Variants in GAK observed in about 807,000 individuals in gnomAD.
The protein encoded by GAK is cyclin-G-associated kinase.
In GAK, 79 loss-of-function variants were observed where a neutral mutation model predicts 143.9. The observed-to-expected ratio is 0.55, with a 90% CI of 0.46 to 0.66. The LOEUF (loss-of-function observed/expected upper bound fraction) is 0.66, where lower values mean the gene tolerates loss of function less well. Ranked by LOEUF, GAK falls within the 30% of genes least tolerant of loss-of-function variation. The probability of loss-of-function intolerance (pLI) is 0.00; values close to 1 mark genes in which losing one functional copy is unlikely to be tolerated. For synonymous variants in GAK, 881 were observed against 765.5 expected (o/e 1.15, Z -2.49); for missense variants, 1,693 against 1,779.7 (o/e 0.95, Z 0.88).
rs747580371 is a variant in GAK at position 888,805 on chromosome 4, C to A, written c.1205+42G>T. On this transcript the variant is annotated intron_variant, in intron 11 of 27. Transcript: ENST00000314167. ...CAAGGGCCGGGGCTGCAGCCTGGAA[C>A]GAGCGTGCGGCAGGTCCAGGGCTCT... The A allele has an allele frequency of 2.5e-6, 4 of 1,573,982 alleles. No individual in the cohort carries two copies. The South Asian group carries it at 3.5e-5, about 14-fold the overall frequency.
chr4:911,915 C>A, intron 3 of GAK, 128 bp from the exon 4 acceptor site: 1 of 705,090 alleles, frequency 1.4e-6, no homozygotes, highest in Non-Finnish European at 2.4e-6. Context: ...CAATTTTAGA[C>A]GTCAGAGCGG....
At chr4:890,770 G>C (rs1284093082) in intron 9 of GAK, 148 bp from the exon 10 acceptor site, 3 of 629,454 alleles carry the variant, frequency 4.8e-6, no homozygotes, top group Middle Eastern at 3.2e-4. Flanking sequence ...CTTCCCACAG[G>C]CTGAAGCATC....
At position 877,653 on chromosome 4, in the gene GAK, C is replaced by T. The variant is rs147669221; in HGVS notation, c.1818G>A (p.Glu606=). The stretch of plus-strand genomic sequence containing the variant: ...ACTCCTGGGAGGTGCTGGCCACACG[C>T]TCGTCCCCCACGTAGACCTCGCAGA... ...RPFCEVYVGD[E]RVASTSQEYD... Residue 606 remains glutamate, a synonymous_variant, in exon 16 of 28, where the codon GAG becomes GAA. Coordinates refer to ENST00000314167, the MANE Select transcript of GAK (RefSeq NM_005255.4). 5.8e-5 allele frequency: 94 copies of T among 1,607,354 alleles called. No homozygotes were observed. The African/African-American group carries it at 1.1e-3, about 19-fold the overall frequency.
Position 894,385 on chromosome 4 carries a change from ACTCCTGGGCCTGCGGGGAGTGCAGGGG to A in GAK, c.742-403_742-377del. 1.6e-5 allele frequency: 3 copies of A among 187,508 alleles called. 1 individual carries two copies. The South Asian group carries it at 2.7e-4, about 17-fold the overall frequency. 11.6% of individuals were successfully genotyped at this position (187,508 alleles called of 1,614,324 possible). On this transcript the variant is annotated intron_variant, in intron 7 of 27. Coordinates refer to ENST00000314167, the MANE Select transcript of GAK (RefSeq NM_005255.4). ...CGGAGCCGTGGGGAGCGCAGGGGTG[ACTCCTGGGCCTGCGGGGAGTGCAGGGG>A]TGACTCCCAGGTCTGAGGGGAGAGC...
At chr4:912,195 A>G (rs1340212028) in intron 3 of GAK, 1 of 455,872 alleles carries the variant, frequency 2.2e-6, no homozygotes, top group Non-Finnish European at 4.4e-6. Context: ...AAAGAGAGGC[A>G]GAGTCTGAGG....
At position 893,757 on chromosome 4, in the gene GAK, G is replaced by C. The variant is rs566754262; in HGVS notation, c.877+117C>G. 71 of 1,251,338 alleles carry C rather than the reference G, an allele frequency of 5.7e-5. No individual in the cohort carries two copies. The South Asian group carries it at 1.1e-3, about 20-fold the overall frequency. 77.5% of individuals were successfully genotyped at this position (1,251,338 alleles called of 1,614,324 possible). A position where few individuals can be genotyped will look rare whatever the true frequency, so the allele number is the denominator to read the frequency against. On this transcript the variant is annotated intron_variant, in intron 8 of 27. Coordinates refer to ENST00000314167, the MANE Select transcript of GAK (RefSeq NM_005255.4). ...CCCCAGGGATGTTGTCAAAACTATG[G>C]TGACGGGCGGGAGTGGGGCCAGGTG...
In GAK at chr4:849,882, C is replaced by T. The variant is rs757085904; in HGVS notation, c.3834+10G>A. The T allele has an allele frequency of 1.3e-6, 2 of 1,577,316 alleles. No homozygotes were observed. The highest frequency in any genetic ancestry group is 2.3e-5 in the East Asian group (1 of 43,558). On this transcript the variant is annotated intron_variant, in intron 27 of 27. Transcript: ENST00000314167. ...AAGGCCTCAAGCGGCCGCCTGGCAG[C>T]TCTGCTCACCTTGTCGGGGTGCACA...
At chr4:924,812 G>C (rs1238315001) in intron 1 of GAK, among the ~76,000 whole-genome samples, 2 of 134,246 alleles carry the variant, frequency 1.5e-5, no homozygotes, top group Admixed American at 7.7e-5. Flanking sequence ...GATCTGATTG[G>C]GTCGTGGGGG....
chr4:882,630 G>A lies in GAK; in HGVS notation c.1527+67C>T, dbSNP rs996218251. The A allele has an allele frequency of 1.9e-6, 3 of 1,578,382 alleles. No individual in the cohort carries two copies. In the African/African-American group the frequency reaches 4.0e-5, roughly 21 times the overall value. ...AGCTCATGACTGGCGCTCAGATCCT[G>A]TTGAACTATGCATGAAATAATGAAC... is the stretch of plus-strand genomic sequence containing the variant. On this transcript the variant is annotated intron_variant, in intron 14 of 27. Coordinates refer to ENST00000314167, the MANE Select transcript of GAK (RefSeq NM_005255.4).
At chr4:931,343 C>T (rs1725718417) in intron 1 of GAK, among the ~76,000 whole-genome samples, 2 of 152,140 alleles carry the variant, frequency 1.3e-5, no homozygotes, top group South Asian at 4.1e-4. Flanking sequence ...AGTAGATGTT[C>T]ACCGGGAAGA....
chr4:876,134 C>T lies in GAK; in HGVS notation c.2054+396G>A, dbSNP rs145468989. Among the ~76,000 whole-genome samples, 234 of 152,340 alleles carry T rather than the reference C, an allele frequency of 1.5e-3. 1 individual carries two copies. The highest frequency in any genetic ancestry group is 1.6e-3 in the Admixed American group (24 of 15,308). On this transcript the variant is annotated intron_variant, in intron 18 of 27. Transcript: ENST00000314167. ...GCCATCCCGTGGCTGCGCTTGTTTA[C>T]AGAGGGAGCTAACAACAGAGTGTGA... is the stretch of plus-strand genomic sequence containing the variant.
rs552580576 is a variant in GAK at position 873,876 on chromosome 4, T to C, written c.2054+2654A>G. Among the ~76,000 whole-genome samples the C allele has an allele frequency of 3.3e-5, 5 of 152,356 alleles. No homozygotes were observed. In the East Asian group the frequency reaches 9.6e-4, roughly 29 times the overall value. Reference sequence around the variant, plus strand: ...CCGATTAACTGGAGTGTGTCTTCTATCCACCTTCAATGGGATGACTGACAG... The same window carrying C: ...CCGATTAACTGGAGTGTGTCTTCTACCCACCTTCAATGGGATGACTGACAG... On this transcript the variant is annotated intron_variant, in intron 18 of 27. Coordinates refer to ENST00000314167, the MANE Select transcript of GAK (RefSeq NM_005255.4).
In GAK at chr4:849,393, G is replaced by C; in HGVS notation, c.*280C>G. The C allele has an allele frequency of 2.0e-6, 1 of 497,238 alleles. No individual in the cohort carries two copies. The highest frequency in any genetic ancestry group is 3.7e-6 in the Non-Finnish European group (1 of 272,490). The allele number at this position is 497,238 out of a possible 1,614,324, so 30.8% of individuals were successfully genotyped here. A position where few individuals can be genotyped will look rare whatever the true frequency, so the allele number is the denominator to read the frequency against. On this transcript the variant is annotated 3_prime_UTR_variant, in exon 28 of 28. Transcript: ENST00000314167. ...TGGCCCACCACGTGCCGGGGCTCCA[G>C]AGGCCACGCCCGAAACACCAAATAA...
chr4:899,607 T>C (rs1719478803), intron 5 of GAK, among the ~76,000 whole-genome samples: 1 of 149,772 alleles, frequency 6.7e-6, no homozygotes, highest in Non-Finnish European at 1.5e-5. Context: ...GGAGAAAAAA[T>C]GCAAACTAAG....
rs115244803 is a variant in GAK at position 868,552 on chromosome 4, C to T, written c.2382G>A (p.Thr794=). 2.1e-5 allele frequency: 34 copies of T among 1,607,502 alleles called. No homozygotes were observed. The highest frequency in any genetic ancestry group is 6.7e-5 in the East Asian group (3 of 44,666). ...GACGCTGCCTACCCTGCCAGTCCAGCGTGTGCAGGAAGCGACTGGCGTCCG... is the reference window on the plus strand; with the variant it reads ...GACGCTGCCTACCCTGCCAGTCCAGTGTGTGCAGGAAGCGACTGGCGTCCG... ...SSADASRFLH[T]LDWQEEKEAE... The change falls in exon 20 of 28, where the codon ACG becomes ACA. Residue 794 remains threonine, a synonymous_variant. Transcript: ENST00000314167.
intron 11 of GAK, chr4:886,560 T>C (rs1338750462): frequency 6.6e-6 from 1 of 152,312 alleles, no homozygotes; most frequent in Admixed American, 6.5e-5. Flanking sequence ...CCATTTTCAC[T>C]GATGCCGAAA....
intron 15 of GAK, among the ~76,000 whole-genome samples, chr4:880,044 C>A (rs115785203): frequency 6.6e-6 from 1 of 151,222 alleles, no homozygotes; most frequent in East Asian, 2.0e-4. Flanking sequence ...TGACGAATGC[C>A]CCACTGGACC....
intron 1 of GAK, among the ~76,000 whole-genome samples, chr4:921,444 A>C (rs1183936706): frequency 1.3e-5 from 2 of 152,232 alleles, no homozygotes; most frequent in Non-Finnish European, 2.9e-5. Flanking sequence ...TGGAAGATCC[A>C]CAAATGGTGC....
At chr4:881,848 G>A (rs1255221876) in intron 15 of GAK, 59 bp downstream of exon 15, 5 of 1,509,506 alleles carry the variant, frequency 3.3e-6, no homozygotes, top group African/African-American at 1.4e-5. Context: ...CACAGCGGGG[G>A]CGGCAGTGCC....
Sources: gnomAD v4.1 joint callset for allele counts (sites outside exome capture counted in the v4.1 genomes callset) on GRCh38, gnomAD v4.1.1 for gene constraint, MANE v1.5 for transcripts, NCBI Gene and HGNC (gene_info 2026-07-23, HGNC 2026-07-21) for gene names.